DOP1A: variants seen among roughly 807,000 people sequenced by gnomAD.
The protein encoded by DOP1A is protein DOP1A.
In DOP1A, 90 loss-of-function variants were observed where a neutral mutation model predicts 267.6. The observed-to-expected ratio is 0.34, with a 90% CI of 0.28 to 0.40. The LOEUF is 0.40. Among genes scored for constraint, DOP1A ranks in the 10% least tolerant of loss-of-function variants. The pLI is 1.00. For missense variants in DOP1A, 2,437 were observed against 2,900.4 expected, an observed-to-expected ratio of 0.84 and a Z score of 3.67; for synonymous variants, 932 against 999.1, an observed-to-expected ratio of 0.93 and a Z score of 1.27.
chr6:83,155,504 C>G (rs1321225836), intron 33 of DOP1A, among the ~76,000 whole-genome samples: 1 of 151,968 alleles, frequency 6.6e-6, no homozygotes, highest in African/African-American at 2.4e-5. Context: ...GGGATGGGAG[C>G]ACGCTTGGTG....
At chr6:83,158,324 ACT>A (rs1783329749) in intron 35 of DOP1A, among the ~76,000 whole-genome samples, 1 of 151,844 alleles carries the variant, frequency 6.6e-6, no homozygotes, top group Non-Finnish European at 1.5e-5. Flanking sequence ...TTAATAACTA[ACT>A]CTGTTCCATA....
At position 83,162,904 on chromosome 6, in the gene DOP1A, T is replaced by C; in HGVS notation, c.7077T>C (p.Leu2359=). ...KPYVVRLAKL[L]RKRAKKNPEE... ...ACGTGGTACGACTAGCAAAACTTCTTCGGAAAAGAGCAAAGGTATCGCATT... is the reference window on the plus strand; with the variant it reads ...ACGTGGTACGACTAGCAAAACTTCTCCGGAAAAGAGCAAAGGTATCGCATT... Residue 2359 remains leucine, a synonymous_variant, in exon 38 of 39, where the codon CTT becomes CTC. Coordinates refer to ENST00000349129, the MANE Select transcript of DOP1A (RefSeq NM_015018.4). 6.2e-7 allele frequency: 1 copy of C among 1,612,670 alleles called. No individual in the cohort carries two copies. The highest frequency in any genetic ancestry group is 8.5e-7 in the Non-Finnish European group (1 of 1,179,132).
In DOP1A at chr6:83,138,130, A is replaced by G. The variant is rs1177205098; in HGVS notation, c.4088A>G (p.His1363Arg). The change falls in exon 21 of 39, where the codon CAT becomes CGT. Residue 1363 changes from histidine to arginine, a missense_variant. This residue lies in a region of DOP1A where 878 missense variants were observed against 992.9 expected (regional missense o/e 0.88). Transcript: ENST00000349129. ...CGAAAATCTCCCAATTTCAACATTC[A>G]TCCTCTCTATCAACATGTGCTCCTG... ...GSRKSPNFNIHPLYQHVLLYL... is the reference protein window; with the variant it reads ...GSRKSPNFNIRPLYQHVLLYL... 3 of 1,613,960 alleles carry G rather than the reference A, an allele frequency of 1.9e-6. No homozygotes were observed. In the Admixed American group the frequency reaches 5.0e-5, roughly 27 times the overall value.
rs188427356 is a variant in DOP1A at position 83,090,880 on chromosome 6, C to T, written c.-146-5851C>T. Among the ~76,000 whole-genome samples the T allele has an allele frequency of 5.5e-4, 84 of 152,140 alleles. 1 individual carries two copies. The highest frequency in any genetic ancestry group is 1.2e-4 in the Non-Finnish European group (8 of 67,998). ...TGATATATAATGACAATTTTATTTGCATTAAAGTCATTGTGGAATTACAAC... is the reference window on the plus strand; with the variant it reads ...TGATATATAATGACAATTTTATTTGTATTAAAGTCATTGTGGAATTACAAC... On this transcript the variant is annotated intron_variant, in intron 1 of 38. Transcript: ENST00000349129.
intron 24 of DOP1A, among the ~76,000 whole-genome samples, chr6:83,142,474 C>CT (rs1779818128): frequency 6.6e-6 from 1 of 151,898 alleles, no homozygotes; most frequent in African/African-American, 2.4e-5. Flanking sequence ...TGCCACTGCA[C>CT]TCCAGCCTGG....
chr6:83,137,331 G>T lies in DOP1A; in HGVS notation c.3289G>T (p.Asp1097Tyr). 1 of 1,613,710 alleles carries T rather than the reference G, an allele frequency of 6.2e-7. No homozygotes were observed. The highest frequency in any genetic ancestry group is 8.5e-7 in the Non-Finnish European group (1 of 1,179,778). Reference protein sequence around the residue: ...ETIPMVVSDFDLPDQQIEILQ... With the variant: ...ETIPMVVSDFYLPDQQIEILQ... ...AATTCCAATGGTTGTGTCTGATTTT[G>T]ATCTTCCAGACCAACAGATAGAAAT... Residue 1097 changes from aspartate to tyrosine, a missense_variant, in exon 21 of 39, where the codon GAT (aspartate) becomes TAT (tyrosine). Physicochemically the swap from Asp to Tyr is radical, Grantham distance 160. Coordinates refer to ENST00000349129, the MANE Select transcript of DOP1A (RefSeq NM_015018.4).
intron 29 of DOP1A, 125 bp from the exon 30 acceptor site, chr6:83,152,163 A>G: frequency 1.1e-6 from 1 of 927,474 alleles, no homozygotes; most frequent in South Asian, 1.8e-5. Context: ...TTTCAGTGGG[A>G]AAAATATATA....
intron 37 of DOP1A, among the ~76,000 whole-genome samples, chr6:83,160,808 A>G (rs926835202): frequency 5.3e-5 from 8 of 152,190 alleles, no homozygotes; most frequent in South Asian, 2.1e-4. Context: ...TGGAACAGAA[A>G]TAATAGGATA....
intron 7 of DOP1A, among the ~76,000 whole-genome samples, chr6:83,114,520 A>G (rs1054766297): frequency 3.9e-5 from 6 of 152,234 alleles, no homozygotes; most frequent in African/African-American, 1.4e-4. Flanking sequence ...CTGAAAGTCT[A>G]AATTATGTAC....
intron 20 of DOP1A, among the ~76,000 whole-genome samples, chr6:83,136,280 T>G (rs1227359059): frequency 6.6e-6 from 1 of 152,192 alleles, no homozygotes; most frequent in South Asian, 2.1e-4. Flanking sequence ...AAGAGAAGAA[T>G]AATGCTCAAC....
intron 1 of DOP1A, among the ~76,000 whole-genome samples, chr6:83,074,086 C>T (rs1179094745): frequency 1.3e-5 from 2 of 152,150 alleles, no homozygotes; most frequent in Admixed American, 6.5e-5. Flanking sequence ...CTATCTAAAT[C>T]GTAAACAGTA....
intron 7 of DOP1A, among the ~76,000 whole-genome samples, chr6:83,117,378 C>A (rs1413128000): frequency 1.3e-5 from 2 of 152,048 alleles, no homozygotes; most frequent in Non-Finnish European, 2.9e-5. Flanking sequence ...TCTAGATCTC[C>A]TGACCTTGTG....
intron 15 of DOP1A, among the ~76,000 whole-genome samples, chr6:83,128,056 C>G (rs1229445473): frequency 6.6e-6 from 1 of 152,026 alleles, no homozygotes; most frequent in East Asian, 1.9e-4. Context: ...AGAATGACCC[C>G]TAGGTTTCTG....
chr6:83,113,729 C>G (rs1165825235), intron 7 of DOP1A, among the ~76,000 whole-genome samples: 1 of 152,270 alleles, frequency 6.6e-6, no homozygotes, highest in African/African-American at 2.4e-5. Context: ...TGAGACCCAG[C>G]CATCATCTGT....
At chr6:83,081,403 A>G (rs986858081) in intron 1 of DOP1A, among the ~76,000 whole-genome samples, 1 of 152,166 alleles carries the variant, frequency 6.6e-6, no homozygotes, top group Non-Finnish European at 1.5e-5. Context: ...CACCATGCCC[A>G]GCCCTACAAC....
chr6:83,084,642 G>A (rs1768747607), intron 1 of DOP1A, among the ~76,000 whole-genome samples: 1 of 152,064 alleles, frequency 6.6e-6, no homozygotes, highest in South Asian at 2.1e-4. Flanking sequence ...GAGTACAGTG[G>A]CACCATTTTG....
At chr6:83,118,402 T>C (rs1034277655) in intron 7 of DOP1A, among the ~76,000 whole-genome samples, 10 of 152,186 alleles carry the variant, frequency 6.6e-5, no homozygotes, top group African/African-American at 2.2e-4. Flanking sequence ...GGATGATTGG[T>C]AGAAAACGGT....
chr6:83,105,001 C>T (rs1180719781), intron 4 of DOP1A, among the ~76,000 whole-genome samples: 3 of 152,138 alleles, frequency 2.0e-5, no homozygotes, highest in African/African-American at 7.2e-5. Flanking sequence ...GTCTATGCTC[C>T]ACTCTCCTTG....
chr6:83,153,483 T>C, intron 30 of DOP1A, 28 bp from the exon 31 acceptor site: 1 of 1,486,564 alleles, frequency 6.7e-7, no homozygotes, highest in Non-Finnish European at 9.2e-7. Flanking sequence ...ACCTCATATG[T>C]TACTCTTCAT....
Sources: allele counts gnomAD v4.1 joint callset (sites outside exome capture counted in the v4.1 genomes callset), GRCh38; gene constraint gnomAD v4.1.1; regional missense constraint gnomAD v4.1.1; transcripts MANE v1.5; gene names NCBI Gene and HGNC (gene_info 2026-07-23, HGNC 2026-07-21).